Variants in ZNF578 observed in about 807,000 individuals in gnomAD.
The protein encoded by ZNF578 is Putative chemokine-related protein B42.
ZNF578 carries 8 observed loss-of-function variants against 8.3 expected under a neutral mutation model. The observed-to-expected ratio is 0.96, with a 90% CI of 0.56 to 1.74. ZNF578 has a LOEUF of 1.74. ZNF578 is among the 40% of genes most tolerant of loss of function. ZNF578 has a pLI of 0.00. For synonymous variants in ZNF578, 206 were observed against 232.2 expected (o/e 0.89, Z 1.03); for missense variants, 726 against 707.5 (o/e 1.03, Z -0.30).
At chr19:52,495,283 C>T (rs2059381985) in intron 3 of ZNF578, among the ~76,000 whole-genome samples, 1 of 143,848 alleles carries the variant, frequency 7.0e-6, no homozygotes, top group African/African-American at 2.5e-5. Context: ...TCCTGCGATA[C>T]TACCCCCTGA....
Position 52,509,594 on chromosome 19 carries a change from C to T in ZNF578, c.191-978C>T, listed in dbSNP as rs144736063. 7.6e-4 allele frequency among the ~76,000 whole-genome samples: 115 copies of T among 152,150 alleles called. 1 individual carries two copies. The East Asian group carries it at 0.019, about 26-fold the overall frequency. ...CCAGCCTGGCCAACATGGTGAAACC[C>T]GGTCTCTACCAAAAACACACAAACT... On this transcript the variant is annotated intron_variant, in intron 5 of 5. Coordinates refer to ENST00000421239, the MANE Select transcript of ZNF578 (RefSeq NM_001099694.2).
At chr19:52,493,304 C>T (rs1220843457) in intron 3 of ZNF578, among the ~76,000 whole-genome samples, 1 of 152,074 alleles carries the variant, frequency 6.6e-6, no homozygotes, top group South Asian at 2.1e-4. Flanking sequence ...GCGCCGTCGC[C>T]CCCTACGTCC....
In ZNF578 at chr19:52,496,480, C is replaced by A. The variant is rs551968798; in HGVS notation, c.-20+5055C>A. Among the ~76,000 whole-genome samples, 77 of 146,812 alleles carry A rather than the reference C, an allele frequency of 5.2e-4. 1 individual carries two copies. The highest frequency in any genetic ancestry group is 1.9e-3 in the African/African-American group (76 of 39,614). ...GAGTAGCTGGGACTACATGCGCCCGCCACCGCGCCCAGCTAATTTTTTGTA... is the reference window on the plus strand; with the variant it reads ...GAGTAGCTGGGACTACATGCGCCCGACACCGCGCCCAGCTAATTTTTTGTA... On this transcript the variant is annotated intron_variant, in intron 3 of 5. Transcript: ENST00000421239.
intron 3 of ZNF578, among the ~76,000 whole-genome samples, chr19:52,498,196 G>A (rs141081860): frequency 0.034 from 5,163 of 152,062 alleles, 305 homozygotes; most frequent in African/African-American, 0.11. Context: ...TCGCTCTGTC[G>A]CCCAGGCTGG....
chr19:52,488,751 A>G (rs905457581), intron 2 of ZNF578, among the ~76,000 whole-genome samples: 1 of 151,206 alleles, frequency 6.6e-6, no homozygotes, highest in Non-Finnish European at 1.5e-5. Flanking sequence ...GTCACTGCAC[A>G]CCAGCCTGGG....
intron 2 of ZNF578, among the ~76,000 whole-genome samples, chr19:52,473,001 A>G (rs2059296850): frequency 6.6e-6 from 1 of 152,206 alleles, no homozygotes; most frequent in Non-Finnish European, 1.5e-5. Flanking sequence ...AGACTGAGTT[A>G]TTTCTTGCAT....
intron 3 of ZNF578, among the ~76,000 whole-genome samples, chr19:52,498,333 T>A (rs1241634374): frequency 0.26 from 22,821 of 86,546 alleles, 2,171 homozygotes; most frequent in Admixed American, 0.36. Flanking sequence ...ATGTGTGTTT[T>A]TTTTTTTTTT....
In ZNF578 at chr19:52,480,958, A is replaced by G. The variant is rs752417157; in HGVS notation, c.-121-10366A>G. On this transcript the variant is annotated intron_variant, in intron 2 of 5. Coordinates refer to ENST00000421239, the MANE Select transcript of ZNF578 (RefSeq NM_001099694.2). ...AATAATAATAATAATTTGGCACCAA[A>G]TAAATATGAGTAGCATCCTTTGGCC... is the stretch of plus-strand genomic sequence containing the variant. Among the ~76,000 whole-genome samples the G allele has an allele frequency of 1.3e-3, 195 of 150,828 alleles. 1 individual carries two copies. The highest frequency in any genetic ancestry group is 2.1e-3 in the Non-Finnish European group (145 of 67,700).
At chr19:52,505,616 G>A (rs1054434958) in intron 5 of ZNF578, among the ~76,000 whole-genome samples, 1 of 151,908 alleles carries the variant, frequency 6.6e-6, no homozygotes, top group African/African-American at 2.4e-5. Context: ...AGTAGAGACG[G>A]GGTTTCACCG....
At chr19:52,468,597 T>C (rs557920750) in intron 2 of ZNF578, among the ~76,000 whole-genome samples, 1 of 152,136 alleles carries the variant, frequency 6.6e-6, no homozygotes, top group African/African-American at 2.4e-5. Context: ...TTGAAGGATA[T>C]CTAGATGGCT....
chr19:52,476,305 A>G (rs1055090391), intron 2 of ZNF578, among the ~76,000 whole-genome samples: 4 of 152,146 alleles, frequency 2.6e-5, no homozygotes, highest in Admixed American at 6.5e-5. Flanking sequence ...TGACATCACT[A>G]TATGTCCTGC....
At chr19:52,476,939 C>T (rs2059310012) in intron 2 of ZNF578, among the ~76,000 whole-genome samples, 1 of 152,150 alleles carries the variant, frequency 6.6e-6, no homozygotes, top group Admixed American at 6.5e-5. Context: ...TAGTTGTGCT[C>T]CCAAACCCTT....
chr19:52,499,742 ATGCCATGATATC>A (rs1021514004), intron 3 of ZNF578, among the ~76,000 whole-genome samples: 20 of 146,782 alleles, frequency 1.4e-4, no homozygotes, highest in Non-Finnish European at 1.5e-5. Flanking sequence ...CTGGAGTGCA[ATGCCATGATATC>A]AGCTCACTGC....
At chr19:52,475,842 T>C (rs1171783538) in intron 2 of ZNF578, among the ~76,000 whole-genome samples, 1 of 152,200 alleles carries the variant, frequency 6.6e-6, no homozygotes, top group East Asian at 1.9e-4. Context: ...TAAAGCCTGC[T>C]TTGTTCCTCG....
intron 3 of ZNF578, among the ~76,000 whole-genome samples, chr19:52,499,323 C>A (rs1470619172): frequency 6.6e-6 from 1 of 152,168 alleles, no homozygotes; most frequent in African/African-American, 2.4e-5. Context: ...ACTCAAATCA[C>A]CTTGAAGGTT....
At chr19:52,470,278 C>G (rs1395055841) in intron 2 of ZNF578, among the ~76,000 whole-genome samples, 1 of 152,180 alleles carries the variant, frequency 6.6e-6, no homozygotes, top group Non-Finnish European at 1.5e-5. Context: ...TTCTTTGCCT[C>G]TAGACCTGTA....
At position 52,512,337 on chromosome 19, in the gene ZNF578, A is replaced by C. The variant is rs1403236818; in HGVS notation, c.*183A>C. ...ATCAGGCCATTCATGGTGTAGGGAA[A>C]CTTGACTAATGTAATGATTGTCACA... On this transcript the variant is annotated 3_prime_UTR_variant, in exon 6 of 6. Transcript: ENST00000421239. 6.5e-7 allele frequency: 1 copy of C among 1,529,938 alleles called. No homozygotes were observed. Among genetic ancestry groups the C allele is most frequent in the East Asian group, 2.2e-5 (1 of 44,450 alleles). 94.8% of individuals were successfully genotyped at this position (1,529,938 alleles called of 1,614,324 possible).
intron 3 of ZNF578, among the ~76,000 whole-genome samples, chr19:52,494,374 G>C (rs2059378353): frequency 6.6e-6 from 1 of 152,168 alleles, no homozygotes; most frequent in East Asian, 1.9e-4. Context: ...GTGTAGACCT[G>C]TAATTTCAGC....
chr19:52,489,318 T>G (rs1222499988), intron 2 of ZNF578, among the ~76,000 whole-genome samples: 2 of 152,218 alleles, frequency 1.3e-5, no homozygotes, highest in East Asian at 3.9e-4. Flanking sequence ...GGCCATGTGC[T>G]GTGGCTCACA....
Sources: gnomAD v4.1 joint callset for allele counts (sites outside exome capture counted in the v4.1 genomes callset) on GRCh38, gnomAD v4.1.1 for gene constraint, MANE v1.5 for transcripts, NCBI Gene and HGNC (gene_info 2026-07-23, HGNC 2026-07-21) for gene names.